Variants in STX18 observed in about 807,000 individuals in gnomAD.
The protein encoded by STX18 is syntaxin 18.
Under a neutral mutation model 50.1 loss-of-function variants are expected in STX18, and 40 were observed. The ratio of observed to expected loss-of-function variants is 0.80; its 90% CI spans 0.62 to 1.04. The LOEUF is 1.04. Among genes scored for constraint, STX18 ranks in the 50% least tolerant of loss-of-function variants. The pLI is 0.00. For synonymous variants in STX18, 158 were observed against 151.8 expected (o/e 1.04, Z -0.30); for missense variants, 410 against 415.8 (o/e 0.99, Z 0.12).
At chr4:4,530,200 T>A (rs941612723) in intron 1 of STX18, among the ~76,000 whole-genome samples, 9 of 152,114 alleles carry the variant, frequency 5.9e-5, no homozygotes, top group African/African-American at 1.9e-4. Flanking sequence ...TTCTGGATGA[T>A]AGAAGCAGAA....
chr4:4,428,426 T>C (rs1437938665), intron 7 of STX18, among the ~76,000 whole-genome samples: 1 of 152,130 alleles, frequency 6.6e-6, no homozygotes, highest in Non-Finnish European at 1.5e-5. Flanking sequence ...GTCACTAAAA[T>C]GGGGATAGTA....
Position 4,419,695 on chromosome 4 carries a change from G to A in STX18, c.*339C>T. On this transcript the variant is annotated 3_prime_UTR_variant, in exon 11 of 11. Coordinates refer to ENST00000306200, the MANE Select transcript of STX18 (RefSeq NM_016930.4). ...CCTTTGAACCCTGAGACAATTAGGGGCTCTTGAGGCCTGCTGTGCCCCTGC... is the reference window on the plus strand; with the variant it reads ...CCTTTGAACCCTGAGACAATTAGGGACTCTTGAGGCCTGCTGTGCCCCTGC... 1 of 209,924 alleles carries A rather than the reference G, an allele frequency of 4.8e-6. No homozygotes were observed. The highest frequency in any genetic ancestry group is 1.1e-4 in the East Asian group (1 of 8,800). 13.0% of individuals were successfully genotyped at this position (209,924 alleles called of 1,614,324 possible).
intron 1 of STX18, among the ~76,000 whole-genome samples, chr4:4,524,432 A>G (rs949769079): frequency 3.3e-5 from 5 of 152,242 alleles, no homozygotes; most frequent in Non-Finnish European, 7.3e-5. Flanking sequence ...GCTAGGCAGT[A>G]TATCCTTTTA....
At chr4:4,523,669 C>T (rs151255407) in intron 1 of STX18, among the ~76,000 whole-genome samples, 40 of 152,302 alleles carry the variant, frequency 2.6e-4, no homozygotes, top group African/African-American at 9.1e-4. Flanking sequence ...AGTTCAGGTC[C>T]TTGCTGTATC....
chr4:4,477,823 C>T (rs1003474330), intron 1 of STX18: 1 of 152,192 alleles, frequency 6.6e-6, no homozygotes, highest in African/African-American at 2.4e-5. Flanking sequence ...TCTTTTTGTA[C>T]TACATCTCTA....
At chr4:4,473,127 G>T (rs1300150107) in intron 1 of STX18, among the ~76,000 whole-genome samples, 1 of 152,060 alleles carries the variant, frequency 6.6e-6, no homozygotes, top group Non-Finnish European at 1.5e-5. Context: ...ACCAGTTTGG[G>T]AAAAGCTAAG....
chr4:4,438,547 C>T (rs368584414), intron 5 of STX18, 38 bp from the exon 6 acceptor site: 111 of 1,508,526 alleles, frequency 7.4e-5, no homozygotes, highest in Non-Finnish European at 9.6e-5. Flanking sequence ...ATTTTATTTC[C>T]ATAACAGGAT....
At chr4:4,534,631 A>C (rs1301202162) in intron 1 of STX18, among the ~76,000 whole-genome samples, 1 of 152,236 alleles carries the variant, frequency 6.6e-6, no homozygotes, top group Non-Finnish European at 1.5e-5. Flanking sequence ...ACTGCGGATT[A>C]GTTTAAAATA....
chr4:4,423,679 G>A (rs537550882), intron 8 of STX18, 92 bp from the exon 9 acceptor site: 37 of 1,264,098 alleles, frequency 2.9e-5, no homozygotes, highest in African/African-American at 2.2e-4. Context: ...TATCTTCTAC[G>A]TGAAGGTGGG....
At position 4,490,135 on chromosome 4, in the gene STX18, A is replaced by G. The variant is rs147380888; in HGVS notation, c.169-18429T>C. On this transcript the variant is annotated intron_variant, in intron 1 of 10. Coordinates refer to ENST00000306200, the MANE Select transcript of STX18 (RefSeq NM_016930.4). ...AACACTAACTGCCCCCCACAAATAC[A>G]TATACACTTTTAAGAGATACACAGT... is the stretch of plus-strand genomic sequence containing the variant. Among the ~76,000 whole-genome samples, 326 of 152,336 alleles carry G rather than the reference A, an allele frequency of 2.1e-3. 5 individuals are homozygous for G. Among genetic ancestry groups the G allele is most frequent in the East Asian group, 0.012 (60 of 5,192 alleles).
chr4:4,526,762 A>T (rs1379632610), intron 1 of STX18, among the ~76,000 whole-genome samples: 1 of 145,430 alleles, frequency 6.9e-6, no homozygotes, highest in East Asian at 1.9e-4. Flanking sequence ...TGAGCCCAAG[A>T]GTTTGAGGTC....
At chr4:4,471,014 A>G (rs1175390022) in intron 2 of STX18, among the ~76,000 whole-genome samples, 2 of 152,206 alleles carry the variant, frequency 1.3e-5, no homozygotes, top group African/African-American at 2.4e-5. Context: ...AACATGAGTA[A>G]CATTAGGGGA....
At chr4:4,458,861 G>A (rs73796009) in intron 3 of STX18, among the ~76,000 whole-genome samples, 4,117 of 152,240 alleles carry the variant, frequency 0.027, 182 homozygotes, top group African/African-American at 0.094. Flanking sequence ...TGCAACCTAA[G>A]CAGCCCTGGC....
chr4:4,541,173 C>T (rs1183249328), intron 1 of STX18, among the ~76,000 whole-genome samples: 1 of 152,140 alleles, frequency 6.6e-6, no homozygotes, highest in African/African-American at 2.4e-5. Context: ...CAACACTGTC[C>T]CTGCCCTTAA....
At chr4:4,512,114 A>G (rs1360449548) in intron 1 of STX18, among the ~76,000 whole-genome samples, 1 of 152,074 alleles carries the variant, frequency 6.6e-6, no homozygotes, top group Non-Finnish European at 1.5e-5. Context: ...TAAATGATCA[A>G]AAGATGGGAA....
intron 5 of STX18, among the ~76,000 whole-genome samples, chr4:4,452,570 G>A (rs969392814): frequency 1.3e-5 from 2 of 152,202 alleles, no homozygotes; most frequent in Non-Finnish European, 2.9e-5. Flanking sequence ...GGTGGCACAT[G>A]CCTGTAGTCC....
chr4:4,497,182 C>T (rs565130964), intron 1 of STX18, among the ~76,000 whole-genome samples: 5 of 152,314 alleles, frequency 3.3e-5, no homozygotes, highest in Admixed American at 2.6e-4. Flanking sequence ...CTCACACACT[C>T]CCCAGTACAA....
chr4:4,471,328 A>G (rs1439246095), intron 2 of STX18, among the ~76,000 whole-genome samples: 3 of 152,376 alleles, frequency 2.0e-5, no homozygotes, highest in Non-Finnish European at 4.4e-5. Context: ...GGTTGAGGGC[A>G]TACAAATACA....
intron 5 of STX18, among the ~76,000 whole-genome samples, chr4:4,443,401 T>C (rs915114467): frequency 2.0e-5 from 3 of 152,234 alleles, no homozygotes; most frequent in Non-Finnish European, 4.4e-5. Flanking sequence ...AGAAGGGATA[T>C]TCCTTAATCT....
Sources: allele counts gnomAD v4.1 joint callset (sites outside exome capture counted in the v4.1 genomes callset), GRCh38; gene constraint gnomAD v4.1.1; transcripts MANE v1.5; gene names NCBI Gene and HGNC (gene_info 2026-07-23, HGNC 2026-07-21).